The following KCNQ1OT1 variants were observed in gnomAD, a reference collection of about 807,000 sequenced individuals.
The protein encoded by KCNQ1OT1 is KCNQ1 antisense RNA 2 (non-protein coding).
At chr11:2,660,208 T>C (rs1001715726) in exon 1 of KCNQ1OT1, 7 of 398,276 alleles carry the variant, frequency 1.8e-5, no homozygotes, top group African/African-American at 4.1e-5. Flanking sequence ...AGTAAGTTTG[T>C]ATGTAGTACC....
chr11:2,697,780 A>T (rs953245160), exon 1 of KCNQ1OT1: 4 of 398,508 alleles, frequency 1.0e-5, no homozygotes, highest in Non-Finnish European at 1.8e-5. Context: ...AGCATTGTAC[A>T]AGGAACTTCT....
In KCNQ1OT1 at chr11:2,644,443, A is replaced by G. The variant is rs7124710; in HGVS notation, n.55552T>C. Reference sequence around the variant, plus strand: ...TATCTGTTTGGTTCTTTTTATATCTATCTCTTGGGCAAATTTCTCATTCAT... The same window carrying G: ...TATCTGTTTGGTTCTTTTTATATCTGTCTCTTGGGCAAATTTCTCATTCAT... On this transcript the variant is annotated non_coding_transcript_exon_variant, in exon 1 of 1. Coordinates refer to ENST00000597346, the Ensembl canonical transcript of KCNQ1OT1. 1,351 of 398,222 alleles carry G rather than the reference A, an allele frequency of 3.4e-3. 20 individuals are homozygous for G. Among genetic ancestry groups the G allele is most frequent in the African/African-American group, 0.026 (1,252 of 48,666 alleles). 24.7% of individuals were successfully genotyped at this position (398,222 alleles called of 1,614,324 possible).
chr11:2,634,617 G>T (rs1481432521), exon 1 of KCNQ1OT1: 1 of 152,028 alleles, frequency 6.6e-6, no homozygotes, highest in South Asian at 2.1e-4. Context: ...CTTTGCTATC[G>T]TGAATAGTGC....
At chr11:2,681,355 T>C (rs1850393552) in exon 1 of KCNQ1OT1, 2 of 398,362 alleles carry the variant, frequency 5.0e-6, no homozygotes, top group Admixed American at 4.4e-5. Context: ...TGTAGCTCCC[T>C]GCTCACTCCA....
chr11:2,641,148 T>C, exon 1 of KCNQ1OT1: 3 of 398,544 alleles, frequency 7.5e-6, no homozygotes, highest in Non-Finnish European at 1.3e-5. Context: ...GGTACATTTT[T>C]AGTATACTGA....
chr11:2,655,565 A>T (rs1590010174), exon 1 of KCNQ1OT1: 1 of 398,642 alleles, frequency 2.5e-6, no homozygotes, highest in East Asian at 3.6e-5. Context: ...GCTGTGAAAT[A>T]CCCACTTCAG....
At chr11:2,644,653 C>T in exon 1 of KCNQ1OT1, 2 of 398,600 alleles carry the variant, frequency 5.0e-6, no homozygotes, top group South Asian at 1.3e-4. Flanking sequence ...GGTATCTGCA[C>T]ATCTGGTGTA....
rs1850344901 is a variant in KCNQ1OT1, at chr11:2,679,198, T to C, written n.20797A>G. 1.3e-5 allele frequency: 5 copies of C among 398,470 alleles called. No homozygotes were observed. Among genetic ancestry groups the C allele is most frequent in the Non-Finnish European group, 2.2e-5 (5 of 226,074 alleles). The allele number at this position is 398,470 out of a possible 1,614,324, so 24.7% of individuals were successfully genotyped here. A position where few individuals can be genotyped will look rare whatever the true frequency, so the allele number is the denominator to read the frequency against. ...GTCTGAGTTAGGCCACCTGTAACAA[T>C]GCAGCCCCATCCATGTGAAGCTGGT... On this transcript the variant is annotated non_coding_transcript_exon_variant, in exon 1 of 1. Coordinates refer to ENST00000597346, the Ensembl canonical transcript of KCNQ1OT1. This position sits in a 1 kb window ranked among gnomAD's most constrained non-coding sequence, Gnocchi z 4.8.
At position 2,628,692 on chromosome 11, in the gene KCNQ1OT1, A is replaced by G. The variant is rs761465341; in HGVS notation, n.71303T>C. Reference sequence around the variant, plus strand: ...TTATTCCTTGTGCTTTTGATGTCACATCTAAAAAATTGTCACAAAAACCAA... The same window carrying G: ...TTATTCCTTGTGCTTTTGATGTCACGTCTAAAAAATTGTCACAAAAACCAA... On this transcript the variant is annotated non_coding_transcript_exon_variant, in exon 1 of 1. Transcript: ENST00000597346. The G allele has an allele frequency of 1.4e-4, 57 of 398,244 alleles. 1 individual carries two copies. Among genetic ancestry groups the G allele is most frequent in the South Asian group, 6.4e-4 (5 of 7,858 alleles). The allele number at this position is 398,244 out of a possible 1,614,324, so 24.7% of individuals were successfully genotyped here.
chr11:2,697,215 A>G, exon 1 of KCNQ1OT1: 2 of 398,618 alleles, frequency 5.0e-6, no homozygotes, highest in South Asian at 1.3e-4. Context: ...GATGGTAACT[A>G]TCAACAGATA....
exon 1 of KCNQ1OT1, chr11:2,648,887 G>T: frequency 2.5e-6 from 1 of 397,710 alleles, no homozygotes; most frequent in Non-Finnish European, 4.4e-6. Context: ...GGGTACTCCA[G>T]TGTTGTTGGT....
At chr11:2,616,964 T>G (rs10832378) in exon 1 of KCNQ1OT1, 272 of 54,054 alleles carry the variant, frequency 5.0e-3, no homozygotes, top group East Asian at 0.023. Flanking sequence ...TCTTGTTGTG[T>G]TTTTTTTTTT....
Position 2,654,446 on chromosome 11 carries a change from G to A in KCNQ1OT1, n.45549C>T, listed in dbSNP as rs949197572. On this transcript the variant is annotated non_coding_transcript_exon_variant, in exon 1 of 1. Transcript: ENST00000597346. The surrounding 1 kb of genome is among the most constrained non-coding windows in gnomAD (Gnocchi z 6.4). ...GGGTGAGGCAGAAGGCAAGGTTCCC[G>A]TGCTGAGCGCCAGGCACACATAAGC... 2.5e-5 allele frequency: 10 copies of A among 398,600 alleles called. No homozygotes were observed. The highest frequency in any genetic ancestry group is 4.4e-5 in the Admixed American group (1 of 22,718). 24.7% of individuals were successfully genotyped at this position (398,600 alleles called of 1,614,324 possible).
chr11:2,673,974 G>A lies in KCNQ1OT1; in HGVS notation n.26021C>T. 6.8e-6 allele frequency: 1 copy of A among 146,950 alleles called. No individual in the cohort carries two copies. The highest frequency in any genetic ancestry group is 2.0e-4 in the East Asian group (1 of 4,922). 9.1% of individuals were successfully genotyped at this position (146,950 alleles called of 1,614,324 possible). Reference sequence around the variant, plus strand: ...GACAGCAGCCACAAGGGGATGCCCAGCATTGGGGGTGGGGTGGGGGGAGGG... The same window carrying A: ...GACAGCAGCCACAAGGGGATGCCCAACATTGGGGGTGGGGTGGGGGGAGGG... On this transcript the variant is annotated non_coding_transcript_exon_variant, in exon 1 of 1. Coordinates refer to ENST00000597346, the Ensembl canonical transcript of KCNQ1OT1. The surrounding 1 kb of genome is among the most constrained non-coding windows in gnomAD (Gnocchi z 4.5).
Position 2,677,805 on chromosome 11 carries a change from T to A in KCNQ1OT1, n.22190A>T, listed in dbSNP as rs977319486. The A allele has an allele frequency of 2.5e-6, 1 of 398,590 alleles. No homozygotes were observed. The highest frequency in any genetic ancestry group is 4.4e-6 in the Non-Finnish European group (1 of 226,046). The allele number at this position is 398,590 out of a possible 1,614,324, so 24.7% of individuals were successfully genotyped here. ...CCCCATTTCCAGCAGGATTAAAATG[T>A]TCATTTATGTTGTGATAGATACTGC... On this transcript the variant is annotated non_coding_transcript_exon_variant, in exon 1 of 1. Transcript: ENST00000597346. The surrounding 1 kb of genome is among the most constrained non-coding windows in gnomAD (Gnocchi z 4.5).
chr11:2,648,385 A>C (rs1312807012), exon 1 of KCNQ1OT1: 2 of 398,244 alleles, frequency 5.0e-6, no homozygotes, highest in East Asian at 7.1e-5. Context: ...AAAACTTTCT[A>C]CCTTATTGAT....
exon 1 of KCNQ1OT1, chr11:2,629,034 A>G (rs1472225698): frequency 2.5e-6 from 1 of 398,020 alleles, no homozygotes; most frequent in African/African-American, 2.1e-5. Flanking sequence ...AATATCTTTC[A>G]CTTTGTTCTT....
At chr11:2,643,854 CTT>C (rs1382240101) in exon 1 of KCNQ1OT1, 2 of 398,408 alleles carry the variant, frequency 5.0e-6, no homozygotes, top group African/African-American at 2.1e-5. Flanking sequence ...ACGAATATAA[CTT>C]TGCTAAGTAC....
At position 2,691,951 on chromosome 11, in the gene KCNQ1OT1, A is replaced by C; in HGVS notation, n.8044T>G. 2 of 398,582 alleles carry C rather than the reference A, an allele frequency of 5.0e-6. No homozygotes were observed. The highest frequency in any genetic ancestry group is 7.1e-5 in the East Asian group (2 of 28,076). The allele number at this position is 398,582 out of a possible 1,614,324, so 24.7% of individuals were successfully genotyped here. A position where few individuals can be genotyped will look rare whatever the true frequency, so the allele number is the denominator to read the frequency against. ...TTTTCCCTTCTGGCATGGCCACTAA[A>C]TGCCAGTGCCTTTCTCTATGCAAAC... is the stretch of plus-strand genomic sequence containing the variant. On this transcript the variant is annotated non_coding_transcript_exon_variant, in exon 1 of 1. Coordinates refer to ENST00000597346, the Ensembl canonical transcript of KCNQ1OT1. The surrounding 1 kb of genome is among the most constrained non-coding windows in gnomAD (Gnocchi z 6.4).
Sources: allele counts gnomAD v4.1 joint callset, GRCh38; gene constraint gnomAD v4.1.1; non-coding constraint Gnocchi (gnomAD v3.1); transcripts MANE v1.5; gene names NCBI Gene and HGNC (gene_info 2026-07-23, HGNC 2026-07-21).